CAPS2: variants seen among roughly 807,000 people sequenced by gnomAD.
CAPS2 encodes calcyphosine 2, also known as calcyphosin-2.
Under a neutral mutation model 86.5 loss-of-function variants are expected in CAPS2, and 98 were observed. The ratio of observed to expected loss-of-function variants is 1.13; its 90% CI spans 0.96 to 1.34. The LOEUF (loss-of-function observed/expected upper bound fraction) is 1.34, where lower values mean the gene tolerates loss of function less well. Ranked by LOEUF, CAPS2 falls within the 40% of genes most tolerant of loss-of-function variation. The probability of loss-of-function intolerance (pLI) is 0.00; values close to 1 mark genes in which losing one functional copy is unlikely to be tolerated. For synonymous variants in CAPS2, 210 were observed against 225.1 expected, an observed-to-expected ratio of 0.93 and a Z score of 0.60; for missense variants, 729 against 686.8, an observed-to-expected ratio of 1.06 and a Z score of -0.69.
In CAPS2 at chr12:75,323,236, T is replaced by G; in HGVS notation, c.132-14A>C. 6.5e-7 allele frequency: 1 copy of G among 1,539,552 alleles called. No homozygotes were observed. ...AGTCGTGGGACCCTGAAAGACATAA[T>G]CTATGTATCCCGTAACTTTTTAACA... On this transcript the variant is annotated splice_polypyrimidine_tract_variant and intron_variant, in intron 2 of 16. Transcript: ENST00000393284.
chr12:75,369,761 T>C (rs1482832700), intron 1 of CAPS2: 3 of 984,912 alleles, frequency 3.0e-6, no homozygotes, highest in Non-Finnish European at 3.6e-6. Flanking sequence ...GAAATATTTG[T>C]TGACATAACA....
chr12:75,299,585 C>G (rs1360665651), intron 9 of CAPS2, among the ~76,000 whole-genome samples: 1 of 152,064 alleles, frequency 6.6e-6, no homozygotes, highest in African/African-American at 2.4e-5. Context: ...AAATTCACTG[C>G]TGTTACTTTT....
chr12:75,304,717 CAT>C (rs757237270), intron 8 of CAPS2, 38 bp downstream of exon 8: 20 of 1,404,424 alleles, frequency 1.4e-5, no homozygotes, highest in Non-Finnish European at 2.0e-6. Context: ...ACTTTTAGAA[CAT>C]AGTGCATCCT....
rs781381737 is a variant in CAPS2 at position 75,304,877 on chromosome 12, C to T, written c.660-1G>A. 3.1e-6 allele frequency: 5 copies of T among 1,606,460 alleles called. No homozygotes were observed. The African/African-American group carries it at 6.7e-5, about 22-fold the overall frequency. ...TTGCTCTGGATCACTGATGACAGCC[C>T]TATACAGGAAAATAAAAAGTCCAAC... On this transcript the variant is annotated splice_acceptor_variant, in intron 7 of 16. Coordinates refer to ENST00000393284, the Ensembl canonical transcript of CAPS2. LOFTEE classifies it high-confidence loss of function.
chr12:75,319,812 T>A (rs2040127970), intron 5 of CAPS2, among the ~76,000 whole-genome samples: 1 of 152,142 alleles, frequency 6.6e-6, no homozygotes, highest in African/African-American at 2.4e-5. Flanking sequence ...GGGCTTATAT[T>A]TCTGATATCA....
intron 1 of CAPS2, among the ~76,000 whole-genome samples, chr12:75,345,368 G>C (rs1356055996): frequency 6.6e-6 from 1 of 151,914 alleles, no homozygotes; most frequent in African/African-American, 2.4e-5. Flanking sequence ...ATTTCAGATA[G>C]AAGTGTAAGT....
intron 1 of CAPS2, among the ~76,000 whole-genome samples, chr12:75,342,573 T>C (rs1012767277): frequency 3.9e-5 from 6 of 152,206 alleles, no homozygotes; most frequent in Admixed American, 3.9e-4. Context: ...TGTGTCAATA[T>C]GACAATATCT....
chr12:75,329,933 A>C, upstream of CAPS2: 1 of 1,385,090 alleles, frequency 7.2e-7, no homozygotes, highest in South Asian at 1.3e-5. Flanking sequence ...TTCACCTAAC[A>C]AGCTCGGTAA....
intron 15 of CAPS2, among the ~76,000 whole-genome samples, chr12:75,283,789 G>A (rs888265491): frequency 6.6e-6 from 1 of 152,014 alleles, no homozygotes; most frequent in East Asian, 1.9e-4. Context: ...CCTCCAGCCT[G>A]GGCAACAGAG....
At chr12:75,316,652 G>A (rs1371925427) in intron 5 of CAPS2, among the ~76,000 whole-genome samples, 1 of 152,074 alleles carries the variant, frequency 6.6e-6, no homozygotes, top group African/African-American at 2.4e-5. Context: ...TAGATAAAAT[G>A]CGAATTAATA....
intron 7 of CAPS2, among the ~76,000 whole-genome samples, chr12:75,306,704 G>C (rs2038546225): frequency 6.6e-6 from 1 of 152,104 alleles, no homozygotes; most frequent in Admixed American, 6.5e-5. Flanking sequence ...GGGGTAGGCT[G>C]CTCCTGGAAA....
In CAPS2 at chr12:75,381,869, G is replaced by T. The variant is rs542150892; in HGVS notation, c.-395+8969C>A. 5.9e-4 allele frequency among the ~76,000 whole-genome samples: 90 copies of T among 152,042 alleles called. 1 individual carries two copies. Among genetic ancestry groups the T allele is most frequent in the African/African-American group, 2.1e-3 (87 of 41,484 alleles). ...ACCTCGTGATCTGCCCACCTCGGCT[G>T]CCCAAAGTGCTGGGATTACAGGCAT... On this transcript the variant is annotated intron_variant, in intron 1 of 5. Coordinates refer to the CAPS2 transcript ENST00000551829.
chr12:75,330,913 T>C (rs779699266), upstream of CAPS2, among the ~76,000 whole-genome samples: 4 of 151,860 alleles, frequency 2.6e-5, no homozygotes, highest in African/African-American at 4.8e-5. Flanking sequence ...GCCTCCCAAG[T>C]AGTTGGGATT....
At chr12:75,339,330 T>C (rs1257931621) in intron 1 of CAPS2, among the ~76,000 whole-genome samples, 1 of 152,224 alleles carries the variant, frequency 6.6e-6, no homozygotes, top group Admixed American at 6.5e-5. Flanking sequence ...GTGGTTTTGA[T>C]TGCATTTTTC....
At chr12:75,383,826 G>C (rs929810790) in intron 1 of CAPS2, among the ~76,000 whole-genome samples, 1 of 152,084 alleles carries the variant, frequency 6.6e-6, no homozygotes, top group African/African-American at 2.4e-5. Context: ...TGTAATGCCT[G>C]CTCTCAGACC....
At chr12:75,369,637 T>C (rs1364815025) in intron 1 of CAPS2, 6 of 983,234 alleles carry the variant, frequency 6.1e-6, no homozygotes, top group Non-Finnish European at 7.2e-6. Context: ...ATGAAGAAAT[T>C]ACGTTTCTTC....
chr12:75,367,755 C>G (rs531839729), intron 1 of CAPS2, among the ~76,000 whole-genome samples: 1 of 151,930 alleles, frequency 6.6e-6, no homozygotes, highest in African/African-American at 2.4e-5. Flanking sequence ...AAAAATAATG[C>G]GTTTTGTTCT....
intron 13 of CAPS2, 139 bp from the exon 14 acceptor site, chr12:75,289,914 C>T: frequency 3.1e-6 from 2 of 647,450 alleles, no homozygotes; most frequent in Non-Finnish European, 5.2e-6. Flanking sequence ...AAATGTAAGA[C>T]AAAAGACTTT....
exon 16 of CAPS2, chr12:75,282,316 C>A: frequency 2.5e-6 from 4 of 1,606,688 alleles, no homozygotes; most frequent in Non-Finnish European, 3.4e-6. Context: ...AGGCACACTG[C>A]CACTTTTGTT....
Sources: allele counts gnomAD v4.1 joint callset (sites outside exome capture counted in the v4.1 genomes callset), GRCh38; gene constraint gnomAD v4.1.1; transcripts MANE v1.5; gene names NCBI Gene and HGNC (gene_info 2026-07-23, HGNC 2026-07-21).